Variants in ADCY2 observed in about 807,000 individuals in gnomAD.
ADCY2 encodes the protein adenylate cyclase 2.
Under a neutral mutation model 125.2 loss-of-function variants are expected in ADCY2, and 31 were observed. The ratio of observed to expected loss-of-function variants is 0.25; its 90% confidence interval spans 0.19 to 0.33. The LOEUF (loss-of-function observed/expected upper bound fraction) is 0.33. Ranked by LOEUF, ADCY2 falls within the 10% of genes least tolerant of loss-of-function variation. ADCY2 has a pLI of 1.00. For synonymous variants in ADCY2, 512 were observed against 548.4 expected (o/e 0.93, Z 0.93); for missense variants, 904 against 1,418.2 (o/e 0.64, Z 5.82).
At chr5:7,824,867 C>T (rs1225673785) in intron 24 of ADCY2, among the ~76,000 whole-genome samples, 1 of 152,222 alleles carries the variant, frequency 6.6e-6, no homozygotes, top group African/African-American at 2.4e-5. Flanking sequence ...TTTCCTTGCA[C>T]TTCTACCTCT....
chr5:7,672,987 G>T (rs1275761087), intron 4 of ADCY2, among the ~76,000 whole-genome samples: 2 of 151,964 alleles, frequency 1.3e-5, no homozygotes, highest in African/African-American at 4.8e-5. Context: ...TGAGGCTGGA[G>T]ACACTATAGT....
In ADCY2 at chr5:7,806,517, G is replaced by A. The variant is rs188283918; in HGVS notation, c.2883+1825G>A. On this transcript the variant is annotated intron_variant, in intron 22 of 24. Transcript: ENST00000338316. ...AGGCTGGGAAATTCAGGACTGAGGTGCTGGCTGATTAGGTGTCTGCTGAGG... is the reference window on the plus strand; with the variant it reads ...AGGCTGGGAAATTCAGGACTGAGGTACTGGCTGATTAGGTGTCTGCTGAGG... 2.1e-3 allele frequency among the ~76,000 whole-genome samples: 322 copies of A among 152,298 alleles called. 1 individual carries two copies. The highest frequency in any genetic ancestry group is 7.3e-3 in the African/African-American group (305 of 41,556).
In ADCY2 at chr5:7,820,114, A is replaced by G. The variant is rs978955760; in HGVS notation, c.2999-451A>G. Among the ~76,000 whole-genome samples, 16 of 152,170 alleles carry G rather than the reference A, an allele frequency of 1.1e-4. 1 individual carries two copies. The highest frequency in any genetic ancestry group is 1.2e-4 in the Non-Finnish European group (8 of 68,026). ...GAGTATGCCACAAAATCAAAGGAGAATTTATTTCTTACCTCTTCTGTACCT... is the reference window on the plus strand; with the variant it reads ...GAGTATGCCACAAAATCAAAGGAGAGTTTATTTCTTACCTCTTCTGTACCT... On this transcript the variant is annotated intron_variant, in intron 23 of 24. Transcript: ENST00000338316.
At chr5:7,544,013 CAAAAAAAAAAAAA>C (rs57983443) in intron 3 of ADCY2, among the ~76,000 whole-genome samples, 2 of 70,698 alleles carry the variant, frequency 2.8e-5, no homozygotes, top group Non-Finnish European at 5.1e-5. Context: ...GACTCCGTCT[CAAAAAAAAAAAAA>C]AAAAAAAAAA....
At chr5:7,760,706 G>T (rs925979976) in intron 16 of ADCY2, among the ~76,000 whole-genome samples, 1 of 152,158 alleles carries the variant, frequency 6.6e-6, no homozygotes, top group African/African-American at 2.4e-5. Context: ...GATTACTGCA[G>T]GCAAGCAATT....
At chr5:7,780,066 C>T (rs6865532) in intron 18 of ADCY2, among the ~76,000 whole-genome samples, 2 of 151,976 alleles carry the variant, frequency 1.3e-5, no homozygotes, top group African/African-American at 4.8e-5. Context: ...GGATCTGCAA[C>T]AAACACAGCA....
intron 2 of ADCY2, among the ~76,000 whole-genome samples, chr5:7,472,025 C>G (rs1415031798): frequency 6.6e-6 from 1 of 151,872 alleles, no homozygotes; most frequent in Non-Finnish European, 1.5e-5. Context: ...GATTTTATTT[C>G]ATTTTATTTT....
At chr5:7,789,958 G>A (rs1744201907) in intron 20 of ADCY2, among the ~76,000 whole-genome samples, 158 bp downstream of exon 20, 1 of 152,214 alleles carries the variant, frequency 6.6e-6, no homozygotes, top group South Asian at 2.1e-4. Flanking sequence ...AGTTTTCAAG[G>A]AGATATTGAT....
chr5:7,573,689 G>A (rs1263224137), intron 3 of ADCY2, among the ~76,000 whole-genome samples: 1 of 148,260 alleles, frequency 6.7e-6, no homozygotes, highest in Non-Finnish European at 1.5e-5. Flanking sequence ...AAGGGGTCCC[G>A]AGCGGGTAGC....
At chr5:7,499,012 G>A (rs902179222) in intron 2 of ADCY2, among the ~76,000 whole-genome samples, 4 of 152,050 alleles carry the variant, frequency 2.6e-5, no homozygotes, top group Non-Finnish European at 5.9e-5. Flanking sequence ...AGAGTGTTTT[G>A]TTGTTGTTGT....
Position 7,755,818 on chromosome 5 carries a change from G to A in ADCY2, c.1957-1631G>A, listed in dbSNP as rs554478172. 1.6e-4 allele frequency among the ~76,000 whole-genome samples: 24 copies of A among 152,304 alleles called. No individual in the cohort carries two copies. The South Asian group carries it at 5.0e-3, about 32-fold the overall frequency. ...CATTGAACATACAGCAATGCTTAGGGCAACAATAATTTTAGGAACAATACA... is the reference window on the plus strand; with the variant it reads ...CATTGAACATACAGCAATGCTTAGGACAACAATAATTTTAGGAACAATACA... On this transcript the variant is annotated intron_variant, in intron 15 of 24. Transcript: ENST00000338316.
At chr5:7,614,540 T>G (rs1020587860) in intron 3 of ADCY2, among the ~76,000 whole-genome samples, 1 of 152,230 alleles carries the variant, frequency 6.6e-6, no homozygotes, top group East Asian at 1.9e-4. Flanking sequence ...TTTTGTTAGC[T>G]GTGATTTTGC....
At chr5:7,582,495 A>G (rs904099251) in intron 3 of ADCY2, among the ~76,000 whole-genome samples, 2 of 152,204 alleles carry the variant, frequency 1.3e-5, no homozygotes, top group Admixed American at 6.5e-5. Context: ...CATATTCCAG[A>G]TGAATTTATA....
At chr5:7,589,458 A>AAG (rs1554022171) in intron 3 of ADCY2, among the ~76,000 whole-genome samples, 16 of 73,010 alleles carry the variant, frequency 2.2e-4, no homozygotes, top group Non-Finnish European at 2.5e-4. Flanking sequence ...GAAGGAAAGA[A>AAG]AAAGAAAGAA....
At chr5:7,525,034 G>T (rs372658746) in intron 3 of ADCY2, among the ~76,000 whole-genome samples, 1 of 151,562 alleles carries the variant, frequency 6.6e-6, no homozygotes, top group South Asian at 2.1e-4. Context: ...ATGGAGTCTC[G>T]CTCTGTCACC....
At chr5:7,821,949 G>A (rs1234976204) in intron 24 of ADCY2, among the ~76,000 whole-genome samples, 1 of 152,182 alleles carries the variant, frequency 6.6e-6, no homozygotes, top group African/African-American at 2.4e-5. Context: ...GTGAAGGAAG[G>A]AGATTGGAAC....
rs779620580 is a variant in ADCY2, at chr5:7,709,236, T to G, written c.1427T>G (p.Leu476Arg). 1 of 1,611,952 alleles carries G rather than the reference T, an allele frequency of 6.2e-7. No individual in the cohort carries two copies. The highest frequency in any genetic ancestry group is 8.5e-7 in the Non-Finnish European group (1 of 1,179,094). Reference sequence around the variant, plus strand: ...GGAGAACGACGGAGCCCCCAGCATCTCTTCAGACCTCGCCACACCCTTGAT... The same window carrying G: ...GGAGAACGACGGAGCCCCCAGCATCGCTTCAGACCTCGCCACACCCTTGAT... ...PKGERRSPQH[L>R]FRPRHTLDGA... The change falls in exon 10 of 25, where the codon CTC (leucine) becomes CGC (arginine). Residue 476 changes from leucine (L) to arginine (R), a missense_variant. By Grantham distance (102) the Leu-to-Arg change is moderately radical (BLOSUM62 -2). Transcript: ENST00000338316. The surrounding 1 kb of genome is among the most constrained non-coding windows in gnomAD (Gnocchi z 4.4).
chr5:7,543,867 A>G (rs1246847419), intron 3 of ADCY2, among the ~76,000 whole-genome samples: 1 of 151,904 alleles, frequency 6.6e-6, no homozygotes, highest in Admixed American at 6.6e-5. Flanking sequence ...CAAAAAAATT[A>G]GCTGGGCGTG....
At chr5:7,399,730 A>G (rs1028101643) in intron 1 of ADCY2, among the ~76,000 whole-genome samples, 1 of 152,214 alleles carries the variant, frequency 6.6e-6, no homozygotes, top group Non-Finnish European at 1.5e-5. Context: ...GCTGTTTATC[A>G]TGGAGAGTAT....
Sources: gnomAD v4.1 joint callset for allele counts (sites outside exome capture counted in the v4.1 genomes callset) on GRCh38, gnomAD v4.1.1 for gene constraint, Gnocchi (gnomAD v3.1) non-coding constraint, MANE v1.5 for transcripts, NCBI Gene and HGNC (gene_info 2026-07-23, HGNC 2026-07-21) for gene names.